The following CNTLN variants were observed in gnomAD, a reference collection of about 807,000 sequenced individuals.
CNTLN encodes the protein centlein, centrosomal protein.
In CNTLN, 212 loss-of-function variants were observed where a neutral mutation model predicts 180.0. The observed-to-expected ratio is 1.18, with a 90% CI of 1.05 to 1.32. CNTLN has a LOEUF of 1.32. CNTLN is among the 40% of genes most tolerant of loss of function. The pLI, the probability that CNTLN is intolerant of heterozygous loss-of-function variation, is 0.00. For synonymous variants in CNTLN, 722 were observed against 563.1 expected, an observed-to-expected ratio of 1.28 and a Z score of -3.99; for missense variants, 2,095 against 1,610.9, an observed-to-expected ratio of 1.30 and a Z score of -5.14.
At chr9:17,275,701 A>G (rs988681762) in intron 6 of CNTLN, among the ~76,000 whole-genome samples, 2 of 152,132 alleles carry the variant, frequency 1.3e-5, no homozygotes, top group Non-Finnish European at 1.5e-5. Flanking sequence ...GTGAGTTTGT[A>G]TATTTAAATT....
intron 18 of CNTLN, among the ~76,000 whole-genome samples, chr9:17,435,595 T>C (rs916292952): frequency 2.6e-5 from 4 of 151,718 alleles, no homozygotes; most frequent in African/African-American, 9.7e-5. Flanking sequence ...AGTTTTGCTC[T>C]TATTGCCTAG....
chr9:17,166,091 A>G (rs1376211200), intron 2 of CNTLN, among the ~76,000 whole-genome samples: 1 of 152,194 alleles, frequency 6.6e-6, no homozygotes, highest in Non-Finnish European at 1.5e-5. Flanking sequence ...TAACAGAAAA[A>G]TGGAGTTCAG....
At chr9:17,521,029 T>C in the CNTLN span, among the ~76,000 whole-genome samples, 1 of 152,138 alleles carries the variant, frequency 6.6e-6, no homozygotes, top group Non-Finnish European at 1.5e-5. Context: ...TGGCTTGTAA[T>C]AGGAGTCTAT....
chr9:17,206,602 C>G (rs1354332484), intron 2 of CNTLN, among the ~76,000 whole-genome samples: 2 of 152,110 alleles, frequency 1.3e-5, no homozygotes, highest in African/African-American at 4.8e-5. Flanking sequence ...TTTGCCTTCC[C>G]CATGTATCTG....
Position 17,235,711 on chromosome 9 carries a change from A to G in CNTLN, c.588A>G (p.Ala196=). The G allele has an allele frequency of 6.2e-7, 1 of 1,608,228 alleles. No individual in the cohort carries two copies. The highest frequency in any genetic ancestry group is 8.5e-7 in the Non-Finnish European group (1 of 1,177,220). Residue 196 remains alanine, a synonymous_variant, in exon 4 of 26, where the codon GCA becomes GCG. Coordinates refer to ENST00000380647, the MANE Select transcript of CNTLN (RefSeq NM_017738.4). ...ATGACCTTGTAAAACGGAAAATTGC[A>G]GTAGATGAAGAAAATGCTTTCTTAA... ...EINDLVKRKI[A]VDEENAFLRK...
intron 2 of CNTLN, among the ~76,000 whole-genome samples, chr9:17,153,070 C>A (rs1300873357): frequency 2.6e-5 from 4 of 152,252 alleles, no homozygotes; most frequent in East Asian, 1.9e-4. Context: ...TGAGATGGTT[C>A]TCCTGAATAC....
intron 15 of CNTLN, among the ~76,000 whole-genome samples, chr9:17,403,094 G>A (rs1453501858): frequency 1.3e-5 from 2 of 151,732 alleles, no homozygotes; most frequent in Non-Finnish European, 1.5e-5. Context: ...TTGGTGACAG[G>A]GAGGTCTGTG....
chr9:17,273,290 T>G (rs1828075115), intron 5 of CNTLN, among the ~76,000 whole-genome samples: 2 of 152,138 alleles, frequency 1.3e-5, no homozygotes, highest in South Asian at 4.1e-4. Context: ...TCTGAAAAAC[T>G]TTTTTGATGT....
At chr9:17,399,588 C>G (rs1262849533) in intron 15 of CNTLN, among the ~76,000 whole-genome samples, 1 of 152,180 alleles carries the variant, frequency 6.6e-6, no homozygotes, top group Non-Finnish European at 1.5e-5. Context: ...TGCTAAAGCC[C>G]TTTCCATCTT....
intron 25 of CNTLN, among the ~76,000 whole-genome samples, chr9:17,495,474 A>T (rs915524291): frequency 1.3e-5 from 2 of 152,178 alleles, no homozygotes; most frequent in Non-Finnish European, 2.9e-5. Context: ...ATAAAAAAAT[A>T]CAAAATTATT....
intron 12 of CNTLN, among the ~76,000 whole-genome samples, chr9:17,359,507 A>C (rs1228578932): frequency 6.6e-6 from 1 of 151,814 alleles, no homozygotes; most frequent in Non-Finnish European, 1.5e-5. Context: ...GAATATATGA[A>C]GAATTCCTGT....
At chr9:17,473,253 C>G (rs148765347) in intron 23 of CNTLN, among the ~76,000 whole-genome samples, 1 of 152,308 alleles carries the variant, frequency 6.6e-6, no homozygotes, top group African/African-American at 2.4e-5. Context: ...AGTCATTCTG[C>G]TATCTTCTCA....
At chr9:17,195,500 G>C (rs903728520) in intron 2 of CNTLN, among the ~76,000 whole-genome samples, 1 of 152,048 alleles carries the variant, frequency 6.6e-6, no homozygotes, top group African/African-American at 2.4e-5. Flanking sequence ...TTATTGTCTT[G>C]AGTCTTCTTG....
intron 2 of CNTLN, chr9:17,168,296 G>A (rs746143754): frequency 6.6e-6 from 1 of 152,152 alleles, no homozygotes; most frequent in Non-Finnish European, 1.5e-5. Context: ...TCAATGTTGG[G>A]AGGAAATGGG....
chr9:17,495,465 TA>T (rs1361871758), intron 25 of CNTLN, among the ~76,000 whole-genome samples: 2 of 151,880 alleles, frequency 1.3e-5, no homozygotes, highest in Non-Finnish European at 2.9e-5. Context: ...CGTTTAAAAA[TA>T]AAAAAATACA....
chr9:17,256,337 A>C (rs1456058311), intron 5 of CNTLN, among the ~76,000 whole-genome samples: 1 of 151,946 alleles, frequency 6.6e-6, no homozygotes, highest in Non-Finnish European at 1.5e-5. Context: ...GAAATCTCCA[A>C]ACTGCTTTCC....
At chr9:17,155,092 C>T (rs1489931114) in intron 2 of CNTLN, among the ~76,000 whole-genome samples, 3 of 152,194 alleles carry the variant, frequency 2.0e-5, no homozygotes, top group South Asian at 2.1e-4. Context: ...TCTGCGGCTT[C>T]ACTCCTGAAG....
At chr9:17,178,314 A>G (rs1336453054) in intron 2 of CNTLN, among the ~76,000 whole-genome samples, 1 of 152,142 alleles carries the variant, frequency 6.6e-6, no homozygotes, top group Non-Finnish European at 1.5e-5. Context: ...AGGTTCTCCA[A>G]TTCCCCACCA....
chr9:17,196,169 G>A (rs202001266), intron 2 of CNTLN, among the ~76,000 whole-genome samples: 2 of 151,870 alleles, frequency 1.3e-5, no homozygotes, highest in Admixed American at 6.6e-5. Flanking sequence ...GATTACAGGC[G>A]CCTGCCACCA....
Sources: allele counts gnomAD v4.1 joint callset (sites outside exome capture counted in the v4.1 genomes callset), GRCh38; gene constraint gnomAD v4.1.1; transcripts MANE v1.5; gene names NCBI Gene and HGNC (gene_info 2026-07-23, HGNC 2026-07-21).